The following MTHFD1 variants were observed in gnomAD, a reference collection of about 807,000 sequenced individuals.
MTHFD1 encodes the protein C-1-tetrahydrofolate synthase, cytoplasmic.
A neutral mutation model predicts 110.3 loss-of-function variants in MTHFD1; 44 were observed. The observed-to-expected ratio is 0.40, with a 90% CI of 0.31 to 0.51. MTHFD1 has a LOEUF of 0.51. Ranked by LOEUF, MTHFD1 falls within the 20% of genes least tolerant of loss-of-function variation. The pLI is 0.60. For missense variants in MTHFD1, 909 were observed against 1,173.1 expected (o/e 0.77, Z 3.29); for synonymous variants, 402 against 428.8 (o/e 0.94, Z 0.77).
At chr14:64,421,635 T>G (rs1182364809) in intron 8 of MTHFD1, among the ~76,000 whole-genome samples, 1 of 151,786 alleles carries the variant, frequency 6.6e-6, no homozygotes, top group Non-Finnish European at 1.5e-5. Context: ...TTTTTTTTTT[T>G]TTTCTTGAGA....
At chr14:64,410,204 GT>G (rs2077971394) in intron 2 of MTHFD1, among the ~76,000 whole-genome samples, 1 of 152,090 alleles carries the variant, frequency 6.6e-6, no homozygotes, top group African/African-American at 2.4e-5. Context: ...TGCACTACAA[GT>G]TTCTCCCTGT....
intron 24 of MTHFD1, among the ~76,000 whole-genome samples, chr14:64,450,944 G>A (rs1275453983): frequency 2.6e-5 from 4 of 152,094 alleles, no homozygotes; most frequent in Non-Finnish European, 1.5e-5. Context: ...GAGGTGGGTG[G>A]ATCACCTAAG....
chr14:64,452,149 G>A (rs2078383957), intron 24 of MTHFD1, among the ~76,000 whole-genome samples: 1 of 152,082 alleles, frequency 6.6e-6, no homozygotes, highest in South Asian at 2.1e-4. Flanking sequence ...TATAAAATTA[G>A]CCAAGCATGG....
intron 1 of MTHFD1, among the ~76,000 whole-genome samples, chr14:64,396,276 C>CT (rs904782144): frequency 6.6e-6 from 1 of 151,824 alleles, no homozygotes; most frequent in African/African-American, 2.4e-5. Context: ...TTTAATTTGA[C>CT]TTAAATGACT....
chr14:64,405,679 T>C (rs2077930675), intron 2 of MTHFD1, among the ~76,000 whole-genome samples: 1 of 152,186 alleles, frequency 6.6e-6, no homozygotes, highest in Non-Finnish European at 1.5e-5. Flanking sequence ...TTCCTATTTC[T>C]CCCAACCCTG....
chr14:64,444,504 A>C (rs1453417605), intron 21 of MTHFD1, among the ~76,000 whole-genome samples, 189 bp from the exon 22 acceptor site: 1 of 152,008 alleles, frequency 6.6e-6, no homozygotes, highest in African/African-American at 2.4e-5. Context: ...ACGCTGCCCA[A>C]AGCAGTCGAT....
chr14:64,453,878 T>C lies in MTHFD1; in HGVS notation c.2565+17T>C, dbSNP rs200582437. 80 of 1,517,230 alleles carry C rather than the reference T, an allele frequency of 5.3e-5. No individual in the cohort carries two copies. The East Asian group carries it at 1.6e-3, about 30-fold the overall frequency. 94.0% of individuals were successfully genotyped at this position (1,517,230 alleles called of 1,614,324 possible). A position where few individuals can be genotyped will look rare whatever the true frequency, so the allele number is the denominator to read the frequency against. On this transcript the variant is annotated intron_variant, in intron 25 of 27. Transcript: ENST00000652337. ...ACGAAGCAGGTAGATGTTTGGTTAG[T>C]TTGTCCTTTCAACTCTTTGCAAAGC...
intron 8 of MTHFD1, among the ~76,000 whole-genome samples, chr14:64,420,856 G>A (rs920493195): frequency 5.3e-5 from 8 of 152,210 alleles, no homozygotes; most frequent in African/African-American, 1.7e-4. Flanking sequence ...CCCTGCGCAT[G>A]CCTCGTTTGC....
At chr14:64,440,945 A>AC (rs2140974671) in intron 18 of MTHFD1, 1 of 271,698 alleles carries the variant, frequency 3.7e-6, no homozygotes, top group East Asian at 9.2e-5. Context: ...TAATCCCAGC[A>AC]CTTTGGGAGG....
chr14:64,432,941 T>C (rs2078171701), intron 15 of MTHFD1, among the ~76,000 whole-genome samples: 1 of 152,156 alleles, frequency 6.6e-6, no homozygotes. Flanking sequence ...TTTTATTTTT[T>C]TGTAGAGACC....
At chr14:64,399,515 C>G (rs879935790) in intron 1 of MTHFD1, among the ~76,000 whole-genome samples, 1 of 151,780 alleles carries the variant, frequency 6.6e-6, no homozygotes, top group Admixed American at 6.6e-5. Context: ...AAAAATTAGC[C>G]GGGCGTGGTG....
intron 18 of MTHFD1, chr14:64,440,694 A>G: frequency 3.6e-6 from 1 of 276,410 alleles, no homozygotes; most frequent in South Asian, 3.8e-5. Flanking sequence ...TGGAAGACAC[A>G]TATTGAGTTT....
intron 17 of MTHFD1, among the ~76,000 whole-genome samples, chr14:64,439,894 CAAAAAAAAAA>C (rs760527922): frequency 7.1e-5 from 4 of 56,586 alleles, no homozygotes; most frequent in Non-Finnish European, 1.1e-4. Flanking sequence ...ACTCTGTCTC[CAAAAAAAAAA>C]AAAAAAAAAA....
At chr14:64,415,023 T>C (rs1411109929) in intron 4 of MTHFD1, among the ~76,000 whole-genome samples, 3 of 152,034 alleles carry the variant, frequency 2.0e-5, no homozygotes, top group Non-Finnish European at 4.4e-5. Context: ...TTTGTAGATA[T>C]CACATTTCAC....
chr14:64,405,182 C>T (rs1023430826), intron 2 of MTHFD1, among the ~76,000 whole-genome samples: 1 of 152,052 alleles, frequency 6.6e-6, no homozygotes, highest in African/African-American at 2.4e-5. Flanking sequence ...CTGGTTATTT[C>T]TTGGCTTATT....
chr14:64,405,648 G>A (rs1056442029), intron 2 of MTHFD1, among the ~76,000 whole-genome samples: 8 of 152,162 alleles, frequency 5.3e-5, no homozygotes, highest in African/African-American at 1.9e-4. Flanking sequence ...TCAACTCTTG[G>A]AATCTGTTGC....
At chr14:64,394,946 T>C (rs1158877904) in intron 1 of MTHFD1, among the ~76,000 whole-genome samples, 2 of 152,214 alleles carry the variant, frequency 1.3e-5, no homozygotes, top group Non-Finnish European at 2.9e-5. Flanking sequence ...GCAAGGGACC[T>C]AGAGCTGTTC....
At chr14:64,421,624 A>ATTTTT (rs202091130) in intron 8 of MTHFD1, among the ~76,000 whole-genome samples, 1 of 145,470 alleles carries the variant, frequency 6.9e-6, no homozygotes, top group African/African-American at 2.5e-5. Flanking sequence ...TATTTTTTTA[A>ATTTTT]TTTTTTTTTT....
intron 7 of MTHFD1, among the ~76,000 whole-genome samples, chr14:64,419,442 G>A (rs1241673470): frequency 1.3e-5 from 2 of 152,216 alleles, no homozygotes; most frequent in African/African-American, 4.8e-5. Context: ...GAGAGGCCTA[G>A]TACTTTCTCT....
Sources: allele counts gnomAD v4.1 joint callset (sites outside exome capture counted in the v4.1 genomes callset), GRCh38; gene constraint gnomAD v4.1.1; transcripts MANE v1.5; gene names NCBI Gene and HGNC (gene_info 2026-07-23, HGNC 2026-07-21).